The following HECTD4 variants were observed in gnomAD, a reference collection of about 807,000 sequenced individuals.
HECTD4 encodes the protein probable E3 ubiquitin-protein ligase HECTD4.
A neutral mutation model predicts 471.5 loss-of-function variants in HECTD4; 114 were observed. That is an observed-to-expected ratio of 0.24 (90% CI 0.21 to 0.28). The LOEUF is 0.28. Ranked by LOEUF, HECTD4 falls within the 10% of genes least tolerant of loss-of-function variation. The pLI is 1.00. For missense variants in HECTD4, 3,866 were observed against 5,651.5 expected, an observed-to-expected ratio of 0.68 and a Z score of 10.13; for synonymous variants, 2,012 against 2,256.0, an observed-to-expected ratio of 0.89 and a Z score of 3.07.
intron 18 of HECTD4, among the ~76,000 whole-genome samples, chr12:112,260,980 C>T (rs892486636): frequency 6.6e-6 from 1 of 152,102 alleles, no homozygotes; most frequent in Non-Finnish European, 1.5e-5. Context: ...CATGAGGAAA[C>T]TAAGTGTGCA....
intron 26 of HECTD4, 61 bp from the exon 27 acceptor site, chr12:112,248,232 C>T (rs2033804176): frequency 2.0e-6 from 3 of 1,524,170 alleles, no homozygotes; most frequent in Admixed American, 2.0e-5. Flanking sequence ...ATTTTAGTCA[C>T]AATAGTAATT....
chr12:112,221,521 G>C (rs1227691584), intron 44 of HECTD4, among the ~76,000 whole-genome samples: 1 of 152,116 alleles, frequency 6.6e-6, no homozygotes, highest in Admixed American at 6.6e-5. Flanking sequence ...TTACAGATGT[G>C]AGCCACTGTG....
Position 112,249,389 on chromosome 12 carries a change from T to C in HECTD4, c.3950+755A>G, listed in dbSNP as rs76314560. Among the ~76,000 whole-genome samples, 1,226 of 151,584 alleles carry C rather than the reference T, an allele frequency of 8.1e-3. 15 individuals are homozygous for C. The highest frequency in any genetic ancestry group is 0.028 in the African/African-American group (1,174 of 41,302). On this transcript the variant is annotated intron_variant, in intron 25 of 75. Transcript: ENST00000682272. ...AAAAAAGAGACTTCATTTTCTATGATTGCTACATTTTGAGTTAGAGACATA... is the reference window on the plus strand; with the variant it reads ...AAAAAAGAGACTTCATTTTCTATGACTGCTACATTTTGAGTTAGAGACATA...
At position 112,194,250 on chromosome 12, in the gene HECTD4, G is replaced by T. The variant is rs142158760; in HGVS notation, c.8750-576C>A. On this transcript the variant is annotated intron_variant, in intron 56 of 75. Coordinates refer to ENST00000682272, the MANE Select transcript of HECTD4 (RefSeq NM_001388303.1). The surrounding 1 kb of genome is among the most constrained non-coding windows in gnomAD (Gnocchi z 4.6). Reference sequence around the variant, plus strand: ...CTGGAGGGCAGCTACCCAGGATGCTGACTGAGCCTAGATTGCTATCTGCAA... The same window carrying T: ...CTGGAGGGCAGCTACCCAGGATGCTTACTGAGCCTAGATTGCTATCTGCAA... 2.1e-4 allele frequency among the ~76,000 whole-genome samples: 32 copies of T among 152,380 alleles called. No homozygotes were observed. Among genetic ancestry groups the T allele is most frequent in the African/African-American group, 7.7e-4 (32 of 41,594 alleles).
intron 54 of HECTD4, among the ~76,000 whole-genome samples, chr12:112,202,677 G>A (rs2032463479): frequency 6.6e-6 from 1 of 152,112 alleles, no homozygotes; most frequent in African/African-American, 2.4e-5. Flanking sequence ...AGTTTTTCCT[G>A]CATAGGAAGC....
intron 37 of HECTD4, among the ~76,000 whole-genome samples, chr12:112,234,503 C>T (rs1167368461): frequency 9.9e-5 from 15 of 152,176 alleles, no homozygotes; most frequent in Non-Finnish European, 2.2e-4. Context: ...TCTGAATTCC[C>T]CTGTGCTATG....
intron 1 of HECTD4, among the ~76,000 whole-genome samples, chr12:112,362,490 G>A (rs1012500780): frequency 1.3e-5 from 2 of 152,146 alleles, no homozygotes; most frequent in African/African-American, 4.8e-5. Flanking sequence ...GGAGACTGCA[G>A]TGGAGTGATG....
intron 1 of HECTD4, among the ~76,000 whole-genome samples, chr12:112,377,520 A>C (rs948225377): frequency 6.6e-6 from 1 of 152,232 alleles, no homozygotes; most frequent in Non-Finnish European, 1.5e-5. Flanking sequence ...ATACTTGTTG[A>C]ATGAATTAGT....
chr12:112,210,432 G>A (rs2032728697), intron 49 of HECTD4, among the ~76,000 whole-genome samples, 180 bp from the exon 50 acceptor site: 1 of 152,178 alleles, frequency 6.6e-6, no homozygotes, highest in South Asian at 2.1e-4. Context: ...GCCCTGTACA[G>A]CCAGCCCTGC....
Position 112,231,600 on chromosome 12 carries a change from G to A in HECTD4, c.6113C>T (p.Pro2038Leu), listed in dbSNP as rs758352931. Residue 2038 changes from proline (P) to leucine (L), a missense_variant, in exon 39 of 76, where the codon CCA becomes CTA. This residue lies in a region of HECTD4 where 617 missense variants were observed against 915.1 expected (regional missense o/e 0.67). Transcript: ENST00000682272. Reference sequence around the variant, plus strand: ...TGTGGATAGTCCACTCACAGTCTCTGGGTTGATAGACTCTACAGGTGGCCC... The same window carrying A: ...TGTGGATAGTCCACTCACAGTCTCTAGGTTGATAGACTCTACAGGTGGCCC... ...SIGPPVESIN[P>L]ETVSGLSTGD... 4 of 1,613,956 alleles carry A rather than the reference G, an allele frequency of 2.5e-6. No homozygotes were observed. Among genetic ancestry groups the A allele is most frequent in the Non-Finnish European group, 3.4e-6 (4 of 1,179,874 alleles).
rs1326305570 is a variant in HECTD4, at chr12:112,239,864, G to A, written c.5105+17C>T. The A allele has an allele frequency of 5.0e-6, 8 of 1,600,942 alleles. No homozygotes were observed. The highest frequency in any genetic ancestry group is 2.6e-6 in the Non-Finnish European group (3 of 1,171,680). ...GCAGGGTAACTTACATACAACAAAAGGCCTTTCCGTACTTACCTGGTGTAA... is the reference window on the plus strand; with the variant it reads ...GCAGGGTAACTTACATACAACAAAAAGCCTTTCCGTACTTACCTGGTGTAA... On this transcript the variant is annotated intron_variant, in intron 33 of 75. Transcript: ENST00000682272. This position sits in a 1 kb window ranked among gnomAD's most constrained non-coding sequence, Gnocchi z 4.9.
At chr12:112,256,968 T>C (rs1223017800) in intron 20 of HECTD4, 1 of 152,368 alleles carries the variant, frequency 6.6e-6, no homozygotes, top group African/African-American at 2.4e-5. Flanking sequence ...TACATGACAA[T>C]TGTTGAAAAC....
intron 1 of HECTD4, among the ~76,000 whole-genome samples, chr12:112,371,581 G>GA (rs1357106501): frequency 3.1e-4 from 43 of 138,278 alleles, no homozygotes; most frequent in African/African-American, 1.1e-3. Context: ...ATCTCAAAAA[G>GA]AAAAAAAAAG....
chr12:112,239,475 A>G lies in HECTD4; in HGVS notation c.5106-239T>C, dbSNP rs11066209. ...AGCAAAAATCGATGGAATCAACTCAATGTTGCCATGATGGAAAAAAATCAT... is the reference window on the plus strand; with the variant it reads ...AGCAAAAATCGATGGAATCAACTCAGTGTTGCCATGATGGAAAAAAATCAT... On this transcript the variant is annotated intron_variant, in intron 33 of 75. Coordinates refer to ENST00000682272, the MANE Select transcript of HECTD4 (RefSeq NM_001388303.1). This position sits in a 1 kb window ranked among gnomAD's most constrained non-coding sequence, Gnocchi z 4.9. Among the ~76,000 whole-genome samples the G allele has an allele frequency of 0.056, 8,459 of 152,306 alleles. 1,296 individuals are homozygous for G. The East Asian group carries it at 0.61, about 11-fold the overall frequency.
At chr12:112,197,011 G>A (rs2032265904) in intron 55 of HECTD4, among the ~76,000 whole-genome samples, 1 of 151,902 alleles carries the variant, frequency 6.6e-6, no homozygotes, top group African/African-American at 2.4e-5. Context: ...GGCTAGGCTG[G>A]TCTCGAACTC....
intron 1 of HECTD4, among the ~76,000 whole-genome samples, chr12:112,323,975 TTCCTTCCTTCCTTCCTTC>T (rs2035656677): frequency 1.4e-4 from 3 of 21,128 alleles, no homozygotes; most frequent in Admixed American, 1.2e-3. Context: ...TCTTCCTTCC[TTCCTTCCTTCCTTCCTTC>T]CTTCCTTCCT....
chr12:112,174,739 T>C (rs1161173531), intron 66 of HECTD4, among the ~76,000 whole-genome samples: 3 of 151,816 alleles, frequency 2.0e-5, no homozygotes, highest in African/African-American at 7.3e-5. Context: ...AATTTTTGTA[T>C]TTTTAGTAGA....
intron 7 of HECTD4, among the ~76,000 whole-genome samples, chr12:112,299,390 A>G (rs1465821652): frequency 6.6e-6 from 1 of 152,080 alleles, no homozygotes; most frequent in Non-Finnish European, 1.5e-5. Flanking sequence ...CTGAGGCAGG[A>G]GGATCCAATG....
chr12:112,199,184 G>A (rs1219299098), intron 55 of HECTD4, among the ~76,000 whole-genome samples: 2 of 152,196 alleles, frequency 1.3e-5, no homozygotes, highest in Non-Finnish European at 2.9e-5. Flanking sequence ...AATAGCCCCT[G>A]AACTTCTATG....
Sources: gnomAD v4.1 joint callset for allele counts (sites outside exome capture counted in the v4.1 genomes callset) on GRCh38, gnomAD v4.1.1 for gene constraint, gnomAD v4.1.1 regional missense constraint, Gnocchi (gnomAD v3.1) non-coding constraint, MANE v1.5 for transcripts, NCBI Gene and HGNC (gene_info 2026-07-23, HGNC 2026-07-21) for gene names.